WWOX: variants seen among roughly 807,000 people sequenced by gnomAD.
The protein encoded by WWOX is WW domain-containing oxidoreductase.
In WWOX, 69 loss-of-function variants were observed where a neutral mutation model predicts 46.2. The observed-to-expected ratio is 1.49, with a 90% CI of 1.23 to 1.82. WWOX has a LOEUF of 1.82. Among genes scored for constraint, WWOX ranks in the 40% most tolerant of loss-of-function variants. The pLI is 0.00. For missense variants in WWOX, 919 were observed against 542.6 expected (o/e 1.69, Z -6.89); for synonymous variants, 359 against 202.6 (o/e 1.77, Z -6.56).
intron 8 of WWOX, among the ~76,000 whole-genome samples, chr16:78,529,586 C>G (rs1212012504): frequency 6.6e-5 from 10 of 152,220 alleles, no homozygotes. Context: ...TCTGCCTCAG[C>G]CTCCTGAGTA....
Position 78,722,848 on chromosome 16 carries a change from C to T in WWOX, c.1056+290096C>T, listed in dbSNP as rs186027205. ...TTGAGCCCAGTAGTTCAAGATCAGT[C>T]TGGGCAACATAATGAAAACCTAATG... On this transcript the variant is annotated intron_variant, in intron 8 of 8. Coordinates refer to ENST00000566780, the MANE Select transcript of WWOX (RefSeq NM_016373.4). Among the ~76,000 whole-genome samples, 31 of 151,842 alleles carry T rather than the reference C, an allele frequency of 2.0e-4. 1 individual carries two copies. Among genetic ancestry groups the T allele is most frequent in the Admixed American group, 1.8e-3 (28 of 15,224 alleles).
At chr16:78,487,544 G>T (rs1374031146) in intron 8 of WWOX, among the ~76,000 whole-genome samples, 2 of 152,178 alleles carry the variant, frequency 1.3e-5, no homozygotes, top group Non-Finnish European at 2.9e-5. Context: ...ACTTACTGCA[G>T]ATGCTTCCTC....
At chr16:79,068,777 C>G (rs748320365) in intron 8 of WWOX, among the ~76,000 whole-genome samples, 1 of 151,030 alleles carries the variant, frequency 6.6e-6, no homozygotes, top group Admixed American at 6.6e-5. Flanking sequence ...CACCACTGCC[C>G]TGCAGCCTGA....
At chr16:79,142,069 CCTT>C (rs1197669189) in intron 8 of WWOX, among the ~76,000 whole-genome samples, 1 of 152,124 alleles carries the variant, frequency 6.6e-6, no homozygotes, top group Non-Finnish European at 1.5e-5. Flanking sequence ...CTCTTTTTCT[CCTT>C]CTTCTCCATC....
chr16:78,157,285 G>T (rs79448771), intron 4 of WWOX, among the ~76,000 whole-genome samples: 1 of 152,044 alleles, frequency 6.6e-6, no homozygotes, highest in African/African-American at 2.4e-5. Context: ...TGATGGGGCA[G>T]ATCAGTCAGC....
At chr16:78,208,914 TA>T (rs1338011183) in intron 5 of WWOX, among the ~76,000 whole-genome samples, 3 of 152,206 alleles carry the variant, frequency 2.0e-5, no homozygotes, top group Non-Finnish European at 2.9e-5. Context: ...TTTATTTATT[TA>T]TTTTTTTTAG....
At chr16:78,412,711 T>C (rs545666643) in intron 6 of WWOX, among the ~76,000 whole-genome samples, 1 of 152,242 alleles carries the variant, frequency 6.6e-6, no homozygotes, top group South Asian at 2.1e-4. Flanking sequence ...GCTGAATTTA[T>C]TGATTGAGAA....
At chr16:79,208,641 T>TAATC (rs1555547024) in intron 8 of WWOX, among the ~76,000 whole-genome samples, 1 of 151,344 alleles carries the variant, frequency 6.6e-6, no homozygotes, top group African/African-American at 2.4e-5. Flanking sequence ...ATTTTTTTTT[T>TAATC]AATCAGTTTA....
At chr16:78,106,127 T>C (rs1264557476) in intron 1 of WWOX, among the ~76,000 whole-genome samples, 1 of 151,774 alleles carries the variant, frequency 6.6e-6, no homozygotes, top group Admixed American at 6.6e-5. Context: ...GAGGGCAGAG[T>C]TTTTTGGAGC....
chr16:78,694,120 T>G (rs755147083), intron 8 of WWOX, among the ~76,000 whole-genome samples: 2 of 152,064 alleles, frequency 1.3e-5, no homozygotes, highest in African/African-American at 2.4e-5. Flanking sequence ...TAATCCCAGC[T>G]ACTCTGTAGG....
At chr16:78,485,921 A>G (rs1467389753) in intron 8 of WWOX, among the ~76,000 whole-genome samples, 2 of 152,228 alleles carry the variant, frequency 1.3e-5, no homozygotes, top group African/African-American at 4.8e-5. Context: ...GCTTCCATGG[A>G]TACGTTATTT....
intron 8 of WWOX, among the ~76,000 whole-genome samples, chr16:78,560,422 C>T (rs994931994): frequency 2.6e-5 from 4 of 152,180 alleles, no homozygotes; most frequent in Admixed American, 6.5e-5. Context: ...GTGGGTGGAT[C>T]ACCTGAGGTC....
intron 8 of WWOX, among the ~76,000 whole-genome samples, chr16:78,903,131 G>C (rs1431363745): frequency 2.0e-5 from 3 of 152,198 alleles, no homozygotes; most frequent in Non-Finnish European, 2.9e-5. Context: ...CAGCCACTCA[G>C]GGGCCCTGGA....
intron 8 of WWOX, among the ~76,000 whole-genome samples, chr16:78,683,533 C>G (rs567055476): frequency 6.9e-5 from 10 of 144,756 alleles, no homozygotes; most frequent in African/African-American, 2.7e-4. Context: ...GAGGGAGACT[C>G]TATCTCAAAA....
At chr16:78,173,615 C>A (rs1411251205) in intron 5 of WWOX, among the ~76,000 whole-genome samples, 3 of 152,046 alleles carry the variant, frequency 2.0e-5, no homozygotes, top group Non-Finnish European at 4.4e-5. Context: ...TCTCTTTGAA[C>A]CTTGGCTGAT....
chr16:78,153,310 A>G (rs1236335778), intron 4 of WWOX, among the ~76,000 whole-genome samples: 1 of 152,162 alleles, frequency 6.6e-6, no homozygotes, highest in Non-Finnish European at 1.5e-5. Flanking sequence ...GATCATCGTC[A>G]ATGTCATGTC....
intron 8 of WWOX, among the ~76,000 whole-genome samples, chr16:79,097,088 G>T (rs1163867077): frequency 6.6e-6 from 1 of 151,942 alleles, no homozygotes; most frequent in Non-Finnish European, 1.5e-5. Context: ...TTCAACACCA[G>T]TTAACTTACT....
intron 8 of WWOX, among the ~76,000 whole-genome samples, chr16:78,971,433 T>A (rs1447250028): frequency 1.8e-5 from 1 of 55,418 alleles, no homozygotes; most frequent in African/African-American, 1.0e-4. Context: ...CCAGTCTGGG[T>A]GACAGACTCT....
intron 6 of WWOX, among the ~76,000 whole-genome samples, chr16:78,422,050 G>C (rs548317233): frequency 7.9e-5 from 12 of 152,204 alleles, no homozygotes; most frequent in Admixed American, 3.3e-4. Flanking sequence ...TTTACTACTA[G>C]TGTAGTTGGA....
Sources: gnomAD v4.1 joint callset for allele counts (sites outside exome capture counted in the v4.1 genomes callset) on GRCh38, gnomAD v4.1.1 for gene constraint, MANE v1.5 for transcripts, NCBI Gene and HGNC (gene_info 2026-07-23, HGNC 2026-07-21) for gene names.